The following CYREN variants were observed in gnomAD, a reference collection of about 807,000 sequenced individuals.
CYREN encodes the protein cell cycle regulator of NHEJ.
Under a neutral mutation model 9.7 loss-of-function variants are expected in CYREN, and 7 were observed. That is an observed-to-expected ratio of 0.72 (90% CI 0.41 to 1.36). The LOEUF is 1.36. CYREN is among the 40% of genes most tolerant of loss of function. CYREN has a pLI of 0.01. For synonymous variants in CYREN, 76 were observed against 77.9 expected (o/e 0.98, Z 0.13); for missense variants, 215 against 198.1 (o/e 1.09, Z -0.51).
intron 2 of CYREN, among the ~76,000 whole-genome samples, chr7:135,111,452 C>T (rs1825625608): frequency 6.6e-6 from 1 of 152,172 alleles, no homozygotes; most frequent in African/African-American, 2.4e-5. Flanking sequence ...TAAACTATTT[C>T]CCTTGATTCA....
At chr7:135,117,761 C>T (rs1826535351) in intron 2 of CYREN, among the ~76,000 whole-genome samples, 1 of 152,318 alleles carries the variant, frequency 6.6e-6, no homozygotes, top group East Asian at 1.9e-4. Flanking sequence ...ATATCAGATA[C>T]TTTTGGGGGT....
downstream of CYREN, chr7:135,165,042 A>C: frequency 6.6e-7 from 1 of 1,521,010 alleles, no homozygotes; most frequent in Non-Finnish European, 8.8e-7. Context: ...CCATGGTCAG[A>C]GGTGGCACAT....
Position 135,169,795 on chromosome 7 carries a change from G to A in CYREN, c.-138-735C>T, listed in dbSNP as rs549069692. 3.3e-5 allele frequency among the ~76,000 whole-genome samples: 5 copies of A among 152,284 alleles called. No homozygotes were observed. In the South Asian group the frequency reaches 1.0e-3, roughly 32 times the overall value. On this transcript the variant is annotated intron_variant, in intron 1 of 3. Coordinates refer to ENST00000393114, the MANE Select transcript of CYREN (RefSeq NM_024033.4). ...CTTAGGAATCAAGCCAGAAGCTCCT[G>A]AAGCGGAGGTTTGCCCAAAAAAAAG...
chr7:135,126,286 T>C (rs1322605087), intron 2 of CYREN, among the ~76,000 whole-genome samples: 3 of 152,126 alleles, frequency 2.0e-5, no homozygotes, highest in Admixed American at 6.6e-5. Flanking sequence ...TGAACTCCCA[T>C]TCACGATTGC....
intron 2 of CYREN, among the ~76,000 whole-genome samples, chr7:135,148,520 A>C (rs1271838972): frequency 6.6e-6 from 1 of 152,142 alleles, no homozygotes; most frequent in Non-Finnish European, 1.5e-5. Flanking sequence ...AGATGATGAA[A>C]GTAAGGCCAG....
At chr7:135,129,682 T>C (rs1164892396) in intron 2 of CYREN, 38 of 777,852 alleles carry the variant, frequency 4.9e-5, no homozygotes, top group South Asian at 3.9e-4. Flanking sequence ...GAAGATGAGA[T>C]TGAAGACTAG....
At chr7:135,123,598 C>G (rs1443104136) in intron 2 of CYREN, among the ~76,000 whole-genome samples, 4 of 152,128 alleles carry the variant, frequency 2.6e-5, no homozygotes, top group Admixed American at 6.6e-5. Context: ...TCTTCAGATT[C>G]TCTAAGGTCA....
At chr7:135,121,259 T>C (rs1351065934) in intron 2 of CYREN, among the ~76,000 whole-genome samples, 1 of 152,112 alleles carries the variant, frequency 6.6e-6, no homozygotes, top group Non-Finnish European at 1.5e-5. Flanking sequence ...CAAAAACTGA[T>C]AAAACAGAAA....
chr7:135,130,766 C>G (rs574546625), intron 2 of CYREN, among the ~76,000 whole-genome samples: 1 of 152,134 alleles, frequency 6.6e-6, no homozygotes, highest in Non-Finnish European at 1.5e-5. Flanking sequence ...AAGGTCTTCT[C>G]TAACAAGCTA....
intron 2 of CYREN, among the ~76,000 whole-genome samples, chr7:135,127,381 A>G (rs1432189318): frequency 6.6e-6 from 1 of 151,774 alleles, no homozygotes; most frequent in Non-Finnish European, 1.5e-5. Flanking sequence ...ATGAAACCCC[A>G]TCTCTACTAA....
At chr7:135,106,999 A>G (rs1169501255) in intron 2 of CYREN, among the ~76,000 whole-genome samples, 1 of 152,160 alleles carries the variant, frequency 6.6e-6, no homozygotes, top group Non-Finnish European at 1.5e-5. Flanking sequence ...GTTTGTGTGC[A>G]TAGACATGTT....
chr7:135,144,755 A>C (rs1315596651), intron 2 of CYREN, among the ~76,000 whole-genome samples: 1 of 120,294 alleles, frequency 8.3e-6, no homozygotes, highest in Non-Finnish European at 1.8e-5. Context: ...ATCTGTACCA[A>C]AAAATTAATA....
At chr7:135,138,716 G>A (rs1364894007) in intron 2 of CYREN, among the ~76,000 whole-genome samples, 1 of 151,908 alleles carries the variant, frequency 6.6e-6, no homozygotes, top group African/African-American at 2.4e-5. Context: ...ATACACAATA[G>A]GTAGATTTTC....
chr7:135,096,584 C>CAGATAGATAGATAGATACATAGATAG (rs1822810155), intron 2 of CYREN, among the ~76,000 whole-genome samples: 9 of 88,860 alleles, frequency 1.0e-4, no homozygotes, highest in African/African-American at 2.7e-4. Flanking sequence ...TAGATAGATA[C>CAGATAGATAGATAGATACATAGATAG]ATAGATAGAT....
intron 2 of CYREN, chr7:135,148,129 A>T (rs113262738): frequency 2.2e-4 from 98 of 454,208 alleles, no homozygotes; most frequent in South Asian, 6.1e-4. Context: ...TCAGGACTGC[A>T]TCTGCCTGCC....
chr7:135,133,066 TGC>T (rs1829005753), intron 2 of CYREN, among the ~76,000 whole-genome samples: 1 of 92,548 alleles, frequency 1.1e-5, no homozygotes, highest in Non-Finnish European at 2.4e-5. Context: ...CACGCATGCG[TGC>T]ACACACACAC....
intron 2 of CYREN, among the ~76,000 whole-genome samples, chr7:135,112,114 C>T (rs183224669): frequency 6.6e-6 from 1 of 152,296 alleles, no homozygotes; most frequent in African/African-American, 2.4e-5. Flanking sequence ...TCCATTCTAC[C>T]TCTAAAGATT....
At chr7:135,131,313 C>T (rs972196121) in intron 2 of CYREN, among the ~76,000 whole-genome samples, 3 of 151,694 alleles carry the variant, frequency 2.0e-5, no homozygotes, top group African/African-American at 4.8e-5. Context: ...GGGCCTGTTG[C>T]GGGGTGAGGG....
At chr7:135,171,230 C>T (rs984088697), upstream of CYREN, among the ~76,000 whole-genome samples, 5 of 151,896 alleles carry the variant, frequency 3.3e-5, no homozygotes, top group African/African-American at 1.2e-4. Flanking sequence ...TTAACCAAGG[C>T]TAGAAAGAAT....
Sources: allele counts gnomAD v4.1 joint callset (sites outside exome capture counted in the v4.1 genomes callset), GRCh38; gene constraint gnomAD v4.1.1; transcripts MANE v1.5; gene names NCBI Gene and HGNC (gene_info 2026-07-23, HGNC 2026-07-21).